The following LRP1B variants were observed in gnomAD, a reference collection of about 807,000 sequenced individuals.
The protein encoded by LRP1B is low-density lipoprotein receptor-related protein 1B.
In LRP1B, 217 loss-of-function variants were observed where a neutral mutation model predicts 556.6. The observed-to-expected ratio is 0.39, with a 90% CI of 0.35 to 0.44. The LOEUF (loss-of-function observed/expected upper bound fraction) is 0.44, where lower values mean the gene tolerates loss of function less well. Ranked by LOEUF, LRP1B falls within the 20% of genes least tolerant of loss-of-function variation. LRP1B has a pLI of 1.00. For synonymous variants in LRP1B, 2,047 were observed against 1,865.8 expected, an observed-to-expected ratio of 1.10 and a Z score of -2.50; for missense variants, 5,053 against 5,620.8, an observed-to-expected ratio of 0.90 and a Z score of 3.23.
intron 1 of LRP1B, among the ~76,000 whole-genome samples, chr2:141,831,165 G>A (rs997225107): frequency 8.6e-5 from 13 of 151,392 alleles, no homozygotes; most frequent in African/African-American, 3.1e-4. Flanking sequence ...AGTAATTGTT[G>A]TTAATTTCTA....
intron 2 of LRP1B, among the ~76,000 whole-genome samples, chr2:141,749,885 C>T (rs1574317946): frequency 6.6e-6 from 1 of 152,212 alleles, no homozygotes; most frequent in East Asian, 1.9e-4. Context: ...TTGAAACACC[C>T]ATCACTATCT....
chr2:141,654,078 G>A (rs1158756495), intron 2 of LRP1B, among the ~76,000 whole-genome samples: 1 of 152,090 alleles, frequency 6.6e-6, no homozygotes, highest in Non-Finnish European at 1.5e-5. Context: ...ACACTACTAA[G>A]AATTAGAGCC....
At chr2:142,119,910 G>A (rs746142361) in intron 1 of LRP1B, among the ~76,000 whole-genome samples, 14 of 152,054 alleles carry the variant, frequency 9.2e-5, no homozygotes, top group Non-Finnish European at 1.5e-4. Flanking sequence ...GGTTATTTCT[G>A]CCTCCGAGTC....
At chr2:142,041,270 A>G (rs1358980300) in intron 1 of LRP1B, among the ~76,000 whole-genome samples, 2 of 151,394 alleles carry the variant, frequency 1.3e-5, no homozygotes, top group Non-Finnish European at 3.0e-5. Flanking sequence ...CATTATCATT[A>G]TACAAAAGCT....
At chr2:141,833,043 T>C (rs352992) in intron 1 of LRP1B, among the ~76,000 whole-genome samples, 31,728 of 151,572 alleles carry the variant, frequency 0.21, 3,467 homozygotes, top group East Asian at 0.35. Flanking sequence ...AAGAGGAAAA[T>C]ATGATATTTG....
At chr2:140,489,992 A>T (rs977061766) in intron 57 of LRP1B, among the ~76,000 whole-genome samples, 105 of 152,196 alleles carry the variant, frequency 6.9e-4, no homozygotes, top group African/African-American at 2.4e-3. Context: ...CTTTACCCTT[A>T]ATCCCAGTGC....
intron 1 of LRP1B, among the ~76,000 whole-genome samples, chr2:142,041,259 C>T (rs1704055252): frequency 1.3e-5 from 2 of 151,302 alleles, no homozygotes; most frequent in African/African-American, 2.4e-5. Context: ...GACAAGGAAG[C>T]CATTATCATT....
At chr2:142,083,843 C>T (rs1373437010) in intron 1 of LRP1B, among the ~76,000 whole-genome samples, 1 of 152,166 alleles carries the variant, frequency 6.6e-6, no homozygotes, top group Non-Finnish European at 1.5e-5. Flanking sequence ...GTTCTGCAAA[C>T]ACAAACAAGC....
At chr2:140,533,192 T>G (rs1360736457) in intron 47 of LRP1B, among the ~76,000 whole-genome samples, 1 of 151,776 alleles carries the variant, frequency 6.6e-6, no homozygotes, top group Non-Finnish European at 1.5e-5. Context: ...ACATTGGTAT[T>G]CCATTAAAAG....
chr2:141,014,459 G>A (rs549375445), intron 13 of LRP1B, among the ~76,000 whole-genome samples: 2 of 152,070 alleles, frequency 1.3e-5, no homozygotes, highest in African/African-American at 4.8e-5. Context: ...GATTTTAGAA[G>A]GGGAATAAAT....
Position 140,475,347 on chromosome 2 carries a change from A to G in LRP1B, c.9426-10T>C. On this transcript the variant is annotated splice_polypyrimidine_tract_variant and intron_variant, in intron 59 of 90. Coordinates refer to ENST00000389484, the MANE Select transcript of LRP1B (RefSeq NM_018557.3). ...AATCCAATACAAATATCTAGGAAAG[A>G]AAATCAATACTGATTTTGTTTACAG... 1 of 1,560,016 alleles carries G rather than the reference A, an allele frequency of 6.4e-7. No homozygotes were observed. The highest frequency in any genetic ancestry group is 8.7e-7 in the Non-Finnish European group (1 of 1,147,450).
intron 77 of LRP1B, among the ~76,000 whole-genome samples, chr2:140,342,795 T>A (rs949843003): frequency 6.6e-6 from 1 of 151,548 alleles, no homozygotes; most frequent in Non-Finnish European, 1.5e-5. Flanking sequence ...CATAAATGCA[T>A]TCAGATACAT....
chr2:141,295,042 T>C (rs181776517), intron 3 of LRP1B, among the ~76,000 whole-genome samples: 389 of 152,222 alleles, frequency 2.6e-3, no homozygotes, highest in African/African-American at 8.9e-3. Flanking sequence ...TTTTTATTAG[T>C]ATAACATCTA....
chr2:140,497,028 A>G (rs1436893518), intron 55 of LRP1B, among the ~76,000 whole-genome samples: 1 of 151,764 alleles, frequency 6.6e-6, no homozygotes, highest in East Asian at 1.9e-4. Context: ...GAAACAATTT[A>G]TGGTTAGAAT....
intron 84 of LRP1B, among the ~76,000 whole-genome samples, chr2:140,277,445 G>A (rs1682723044): frequency 6.6e-6 from 1 of 151,798 alleles, no homozygotes; most frequent in South Asian, 2.1e-4. Flanking sequence ...AAATTAGCTG[G>A]ATGTGGTGGT....
At chr2:141,663,624 C>G (rs964624537) in intron 2 of LRP1B, among the ~76,000 whole-genome samples, 2 of 152,064 alleles carry the variant, frequency 1.3e-5, no homozygotes, top group Admixed American at 1.3e-4. Flanking sequence ...TGCGCCCTCC[C>G]ACGACAGAAC....
intron 43 of LRP1B, among the ~76,000 whole-genome samples, chr2:140,549,306 A>G (rs1240199232): frequency 1.3e-5 from 2 of 152,200 alleles, no homozygotes; most frequent in Non-Finnish European, 2.9e-5. Flanking sequence ...AAGTGGGAAA[A>G]TAAACAAAAT....
In LRP1B at chr2:140,233,070, GA is replaced by G; in HGVS notation, c.*115del. 1.6e-6 allele frequency: 1 copy of G among 622,132 alleles called. No homozygotes were observed. The highest frequency in any genetic ancestry group is 2.4e-6 in the Non-Finnish European group (1 of 411,516). 38.5% of individuals were successfully genotyped at this position (622,132 alleles called of 1,614,324 possible). On this transcript the variant is annotated 3_prime_UTR_variant, in exon 91 of 91. Transcript: ENST00000389484. The stretch of plus-strand genomic sequence containing the variant: ...AAAAACTCAGAAAACAATTAACCAG[GA>G]AAAAGATAAAGAAAGAGGTAATGCT...
intron 43 of LRP1B, among the ~76,000 whole-genome samples, chr2:140,584,562 A>G (rs565397724): frequency 6.6e-6 from 1 of 152,100 alleles, no homozygotes; most frequent in Admixed American, 6.6e-5. Context: ...AAATCAATCC[A>G]TCAGTATCAG....
Sources: gnomAD v4.1 joint callset for allele counts (sites outside exome capture counted in the v4.1 genomes callset) on GRCh38, gnomAD v4.1.1 for gene constraint, MANE v1.5 for transcripts, NCBI Gene and HGNC (gene_info 2026-07-23, HGNC 2026-07-21) for gene names.